Variants in HNRNPC observed in about 807,000 individuals in gnomAD.
The protein encoded by HNRNPC is heterogeneous nuclear ribonucleoprotein C.
A neutral mutation model predicts 33.2 loss-of-function variants in HNRNPC; 3 were observed. The ratio of observed to expected loss-of-function variants is 0.09; its 90% CI spans 0.04 to 0.23. The LOEUF is 0.23. Ranked by LOEUF, HNRNPC falls within the 10% of genes least tolerant of loss-of-function variation. The probability of loss-of-function intolerance (pLI) is 1.00; values close to 1 mark genes in which losing one functional copy is unlikely to be tolerated. For missense variants in HNRNPC, 143 were observed against 366.7 expected (o/e 0.39, Z 4.98); for synonymous variants, 121 against 126.7 (o/e 0.96, Z 0.30).
intron 2 of HNRNPC, among the ~76,000 whole-genome samples, chr14:21,239,918 CTCAAATT>C (rs1895161808): frequency 1.3e-5 from 2 of 152,086 alleles, no homozygotes; most frequent in South Asian, 4.1e-4. Flanking sequence ...GTGGTTAGCA[CTCAAATT>C]TCTATTACAC....
chr14:21,244,570 CTT>C (rs1409059953), intron 2 of HNRNPC, among the ~76,000 whole-genome samples: 2 of 152,192 alleles, frequency 1.3e-5, no homozygotes, highest in African/African-American at 4.8e-5. Flanking sequence ...ATAGTTGACT[CTT>C]TAATTCTTCC....
intron 2 of HNRNPC, among the ~76,000 whole-genome samples, chr14:21,236,974 A>C (rs973751776): frequency 4.6e-5 from 7 of 152,234 alleles, no homozygotes; most frequent in Non-Finnish European, 7.3e-5. Context: ...TTGGAGAATA[A>C]TAGACTTAGA....
intron 1 of HNRNPC, chr14:21,264,594 T>G (rs1289844443): frequency 1.3e-5 from 2 of 152,204 alleles, no homozygotes; most frequent in Non-Finnish European, 2.9e-5. Context: ...TAAAATAATT[T>G]CCATGACAAA....
chr14:21,253,815 C>G (rs946089478), intron 2 of HNRNPC, among the ~76,000 whole-genome samples: 13 of 152,138 alleles, frequency 8.5e-5, no homozygotes, highest in South Asian at 2.1e-4. Flanking sequence ...CCTGTAATCC[C>G]AGCACTTTGG....
chr14:21,233,896 A>G, intron 3 of HNRNPC, 57 bp downstream of exon 3: 3 of 1,578,740 alleles, frequency 1.9e-6, no homozygotes, highest in Non-Finnish European at 2.6e-6. Flanking sequence ...ACAAAAAAAA[A>G]ACGTGAATAG....
At chr14:21,256,244 GA>G (rs1162202892) in intron 2 of HNRNPC, among the ~76,000 whole-genome samples, 2 of 152,090 alleles carry the variant, frequency 1.3e-5, no homozygotes, top group African/African-American at 4.8e-5. Flanking sequence ...TCAAGAAATC[GA>G]GACTATCCTG....
At chr14:21,249,318 T>C (rs1252567881) in intron 2 of HNRNPC, among the ~76,000 whole-genome samples, 1 of 151,258 alleles carries the variant, frequency 6.6e-6, no homozygotes, top group Non-Finnish European at 1.5e-5. Flanking sequence ...ACGCCTGTAA[T>C]CCTGCCAGCA....
intron 1 of HNRNPC, among the ~76,000 whole-genome samples, chr14:21,268,206 T>C (rs967308132): frequency 1.3e-5 from 2 of 152,204 alleles, no homozygotes; most frequent in African/African-American, 4.8e-5. Context: ...TTATCAAATT[T>C]CAGCACCCAG....
At chr14:21,256,210 G>T (rs1017143918) in intron 2 of HNRNPC, among the ~76,000 whole-genome samples, 2 of 152,166 alleles carry the variant, frequency 1.3e-5, no homozygotes, top group Admixed American at 1.3e-4. Flanking sequence ...ACTTTGGGGA[G>T]GCAGAGACGG....
chr14:21,258,855 C>T (rs925458630), intron 2 of HNRNPC, among the ~76,000 whole-genome samples: 10 of 152,140 alleles, frequency 6.6e-5, no homozygotes, highest in African/African-American at 2.4e-4. Context: ...TATTGTTAGG[C>T]TTGGGATGAT....
intron 2 of HNRNPC, among the ~76,000 whole-genome samples, chr14:21,253,911 T>C (rs1203996742): frequency 6.6e-6 from 1 of 151,022 alleles, no homozygotes; most frequent in African/African-American, 2.4e-5. Flanking sequence ...CAAAAAAAAA[T>C]TAAAAAATTA....
rs201972334 is a variant in HNRNPC, at chr14:21,244,031, G to GTT, written c.-36-9804_-36-9803dup. On this transcript the variant is annotated intron_variant, in intron 2 of 8. Coordinates refer to ENST00000553300, the MANE Select transcript of HNRNPC (RefSeq NM_004500.4). ...ATTTTTATCTGCATATTTCCTCCAA[G>GTT]TTTTTTTTTTTTTTAAGACGAAGCT... Among the ~76,000 whole-genome samples the GTT allele has an allele frequency of 5.9e-4, 87 of 146,350 alleles. 1 individual carries two copies. The highest frequency in any genetic ancestry group is 2.7e-3 in the Admixed American group (39 of 14,530).
At position 21,255,776 on chromosome 14, in the gene HNRNPC, T is replaced by C. The variant is rs548510138; in HGVS notation, c.-37+7535A>G. Among the ~76,000 whole-genome samples, 55 of 152,324 alleles carry C rather than the reference T, an allele frequency of 3.6e-4. No homozygotes were observed. In the South Asian group the frequency reaches 5.0e-3, roughly 14 times the overall value. On this transcript the variant is annotated intron_variant, in intron 2 of 8. Transcript: ENST00000553300. Reference sequence around the variant, plus strand: ...TTTGGCATATGTATTTCTGGACATATCTCTTATGTCTTTACATAGAAAAAA... The same window carrying C: ...TTTGGCATATGTATTTCTGGACATACCTCTTATGTCTTTACATAGAAAAAA...
chr14:21,220,183 T>C (rs1049380440), intron 5 of HNRNPC, among the ~76,000 whole-genome samples: 1 of 151,942 alleles, frequency 6.6e-6, no homozygotes, highest in East Asian at 1.9e-4. Context: ...TTATGCCTTA[T>C]GCGTCACGTG....
At chr14:21,250,814 T>C (rs1226530385) in intron 2 of HNRNPC, among the ~76,000 whole-genome samples, 2 of 151,898 alleles carry the variant, frequency 1.3e-5, no homozygotes, top group African/African-American at 4.8e-5. Context: ...AAAAAAGGAG[T>C]GAAAAGTGTT....
chr14:21,228,455 G>A (rs531215522), intron 5 of HNRNPC, among the ~76,000 whole-genome samples: 6 of 152,174 alleles, frequency 3.9e-5, no homozygotes, highest in Middle Eastern at 3.4e-3. Flanking sequence ...GCAGTGGCGC[G>A]ATCTCAACTC....
At chr14:21,248,038 A>G (rs1403099052) in intron 2 of HNRNPC, among the ~76,000 whole-genome samples, 1 of 152,096 alleles carries the variant, frequency 6.6e-6, no homozygotes, top group Non-Finnish European at 1.5e-5. Flanking sequence ...AGCCATGTCC[A>G]CTATGACCGA....
chr14:21,216,001 A>G (rs1892134331), intron 5 of HNRNPC, among the ~76,000 whole-genome samples: 1 of 151,654 alleles, frequency 6.6e-6, no homozygotes, highest in Non-Finnish European at 1.5e-5. Context: ...CTGTAATCCC[A>G]GCTACGCAGG....
At chr14:21,221,012 G>A (rs548623012) in intron 5 of HNRNPC, among the ~76,000 whole-genome samples, 13 of 152,166 alleles carry the variant, frequency 8.5e-5, no homozygotes, top group African/African-American at 2.6e-4. Flanking sequence ...CCTTGAAACC[G>A]GGAGGCAAAA....
Sources: gnomAD v4.1 joint callset for allele counts (sites outside exome capture counted in the v4.1 genomes callset) on GRCh38, gnomAD v4.1.1 for gene constraint, MANE v1.5 for transcripts, NCBI Gene and HGNC (gene_info 2026-07-23, HGNC 2026-07-21) for gene names.